Variants in ZNF410 observed in about 807,000 individuals in gnomAD.
The protein encoded by ZNF410 is zinc finger protein 410, also known as another partner for ARF 1.
In ZNF410, 18 loss-of-function variants were observed where a neutral mutation model predicts 54.8. The observed-to-expected ratio is 0.33, with a 90% CI of 0.23 to 0.49. ZNF410 has a LOEUF of 0.49. ZNF410 is among the 20% of genes least tolerant of loss of function. The probability of loss-of-function intolerance (pLI) is 0.99; values close to 1 mark genes in which losing one functional copy is unlikely to be tolerated. For missense variants in ZNF410, 405 were observed against 569.6 expected (o/e 0.71, Z 2.94); for synonymous variants, 191 against 207.3 (o/e 0.92, Z 0.68).
At chr14:73,890,478 G>A (rs1056538316) in intron 1 of ZNF410, among the ~76,000 whole-genome samples, 3 of 151,964 alleles carry the variant, frequency 2.0e-5, no homozygotes, top group Admixed American at 6.6e-5. Flanking sequence ...GTGAGCCACC[G>A]TGCCCAGCCT....
intron 8 of ZNF410, among the ~76,000 whole-genome samples, chr14:73,910,861 CA>C (rs540690694): frequency 0.011 from 746 of 68,586 alleles, 5 homozygotes; most frequent in African/African-American, 0.027. Flanking sequence ...GACCCTGTCT[CA>C]AAAAAAAAAA....
chr14:73,911,254 G>C (rs1345168684), intron 8 of ZNF410, among the ~76,000 whole-genome samples: 1 of 152,140 alleles, frequency 6.6e-6, no homozygotes, highest in Non-Finnish European at 1.5e-5. Context: ...GGCTTGCTGA[G>C]GAAGAGATGA....
intron 4 of ZNF410, 128 bp from the exon 5 acceptor site, chr14:73,897,943 G>A: frequency 2.3e-6 from 2 of 878,634 alleles, no homozygotes; most frequent in Non-Finnish European, 3.4e-6. Context: ...CTGCACTCCA[G>A]CCTGGGTGAC....
chr14:73,909,505 A>G (rs2055543393), intron 8 of ZNF410, 75 bp downstream of exon 8: 2 of 1,219,500 alleles, frequency 1.6e-6, no homozygotes, highest in African/African-American at 1.5e-5. Flanking sequence ...GGGTGATATA[A>G]AGACAACTAA....
rs1303003267 is a variant in ZNF410, at chr14:73,909,445, G to A, written c.1003+15G>A. On this transcript the variant is annotated intron_variant, in intron 8 of 11. Transcript: ENST00000555044. Reference sequence around the variant, plus strand: ...GGTTCACTCAGGTATCAGAACCTCTGCCATTCATAGATTTTAGGAAAAGTA... The same window carrying A: ...GGTTCACTCAGGTATCAGAACCTCTACCATTCATAGATTTTAGGAAAAGTA... 5.0e-6 allele frequency: 8 copies of A among 1,605,762 alleles called. No individual in the cohort carries two copies. The highest frequency in any genetic ancestry group is 1.6e-4 in the Middle Eastern group (1 of 6,062).
At position 73,899,211 on chromosome 14, in the gene ZNF410, C is replaced by T. The variant is rs531282139; in HGVS notation, c.580+949C>T. Among the ~76,000 whole-genome samples the T allele has an allele frequency of 7.2e-5, 11 of 151,870 alleles. No homozygotes were observed. The South Asian group carries it at 1.9e-3, about 26-fold the overall frequency. On this transcript the variant is annotated intron_variant, in intron 5 of 11. Coordinates refer to ENST00000555044, the MANE Select transcript of ZNF410 (RefSeq NM_021188.3). ...ATGAAAATAAAAAGTTAAAATTTCTCATAGAGAACTAGAGTTCCCTATGAA... is the reference window on the plus strand; with the variant it reads ...ATGAAAATAAAAAGTTAAAATTTCTTATAGAGAACTAGAGTTCCCTATGAA...
Position 73,921,064 on chromosome 14 carries a change from TGCAGCTGGGA to T in ZNF410, c.1100_1109del (p.Ala367ValfsTer11). The stretch of plus-strand genomic sequence containing the variant: ...AATGTGCATATGAGAAAGCATCACC[TGCAGCTGGGA>T]GCAGCTGGGAGTCAAGAGCAGGAGC... On this transcript the variant is annotated frameshift_variant, in exon 9 of 12. Coordinates refer to ENST00000555044, the MANE Select transcript of ZNF410 (RefSeq NM_021188.3). LOFTEE classifies it high-confidence loss of function. The T allele has an allele frequency of 1.2e-6, 2 of 1,613,144 alleles. No individual in the cohort carries two copies. The highest frequency in any genetic ancestry group is 8.5e-7 in the Non-Finnish European group (1 of 1,179,690).
chr14:73,926,952 CAGTTGATCTTAAGATTGACTGGT>C (rs1338038943), intron 11 of ZNF410, among the ~76,000 whole-genome samples: 1 of 152,190 alleles, frequency 6.6e-6, no homozygotes, highest in African/African-American at 2.4e-5. Flanking sequence ...ACATGACAAT[CAGTTGATCTTAAGATTGACTGGT>C]AGGTTATGTA....
At chr14:73,907,416 G>A (rs893850864) in intron 7 of ZNF410, among the ~76,000 whole-genome samples, 10 of 152,126 alleles carry the variant, frequency 6.6e-5, no homozygotes, top group Admixed American at 1.3e-4. Context: ...TGGCCAACAC[G>A]GTGAAACCCC....
chr14:73,931,852 TCTGA>T lies in ZNF410; in HGVS notation c.*315_*318del. ...TTATGTGTTGGCTGAAGTTCTTCAT[TCTGA>T]CTGTTGAGGGGAGGTTTTCCTTTGA... On this transcript the variant is annotated 3_prime_UTR_variant, in exon 12 of 12. Transcript: ENST00000555044. The T allele has an allele frequency of 2.3e-6, 1 of 438,184 alleles. No individual in the cohort carries two copies. The highest frequency in any genetic ancestry group is 1.8e-5 in the South Asian group (1 of 55,558). 27.1% of individuals were successfully genotyped at this position (438,184 alleles called of 1,614,324 possible).
Position 73,903,948 on chromosome 14 carries a change from ACT to A in ZNF410, c.581-9_581-8del. The A allele has an allele frequency of 6.2e-7, 1 of 1,613,908 alleles. No individual in the cohort carries two copies. The highest frequency in any genetic ancestry group is 8.5e-7 in the Non-Finnish European group (1 of 1,179,940). On this transcript the variant is annotated splice_polypyrimidine_tract_variant and intron_variant, in intron 5 of 11. Coordinates refer to ENST00000555044, the MANE Select transcript of ZNF410 (RefSeq NM_021188.3). ...TCTTTCCCTGGATTACAAATATGTG[ACT>A]CTGTTACAGGAGAAAATGTCCACCT...
chr14:73,916,967 G>A (rs952726830), intron 8 of ZNF410, among the ~76,000 whole-genome samples: 20 of 152,226 alleles, frequency 1.3e-4, no homozygotes, highest in African/African-American at 4.3e-4. Context: ...GAAACAGAGC[G>A]AGACTGCGTC....
intron 5 of ZNF410, chr14:73,902,095 G>T (rs1338173412): frequency 1.4e-5 from 2 of 146,174 alleles, no homozygotes; most frequent in Admixed American, 6.9e-5. Flanking sequence ...TTGAAACGGA[G>T]TCTCGCTCTG....
chr14:73,923,929 C>G (rs569360387), intron 11 of ZNF410, among the ~76,000 whole-genome samples: 1 of 152,280 alleles, frequency 6.6e-6, no homozygotes, highest in Admixed American at 6.5e-5. Context: ...CTGTACCAGA[C>G]AGGAGCAAGT....
chr14:73,896,064 A>G (rs62003715), intron 3 of ZNF410: 163,207 of 469,618 alleles, frequency 0.35, 32,997 homozygotes, highest in Non-Finnish European at 0.42. Context: ...CAAATGTTGA[A>G]TGGTTGGTTA....
At chr14:73,926,049 A>T (rs1165866567) in intron 11 of ZNF410, among the ~76,000 whole-genome samples, 1 of 152,006 alleles carries the variant, frequency 6.6e-6, no homozygotes, top group Non-Finnish European at 1.5e-5. Context: ...ACAAAAACAC[A>T]ATTAACTTTA....
Position 73,909,354 on chromosome 14 carries a change from C to T in ZNF410, c.927C>T (p.Phe309=). 6.2e-7 allele frequency: 1 copy of T among 1,613,784 alleles called. No individual in the cohort carries two copies. Among genetic ancestry groups the T allele is most frequent in the South Asian group, 1.1e-5 (1 of 91,006 alleles). Residue 309 remains phenylalanine, a synonymous_variant, in exon 8 of 12, where the codon TTC becomes TTT. Transcript: ENST00000555044. ...TTCTGTCTCTAGGAGAGAAACCTTT[C>T]CTTTGTGAAGCCCAAGGATGTGGCC... ...HRRIHTGEKP[F]LCEAQGCGRS... is the part of the protein sequence containing the mutation.
At chr14:73,906,565 C>T (rs2055493976) in intron 7 of ZNF410, 1 of 152,286 alleles carries the variant, frequency 6.6e-6, no homozygotes, top group Non-Finnish European at 1.5e-5. Context: ...ACTGCAACCT[C>T]TGCCTCCTGG....
Position 73,932,443 on chromosome 14 carries a change from G to GTGA in ZNF410, c.*904_*906dup. ...GAACATCTTCATTTCTTAAGCCCAG[G>GTGA]TGATAGTTACTCTGTCACCACCAAA... On this transcript the variant is annotated 3_prime_UTR_variant, in exon 12 of 12. Transcript: ENST00000555044. 2 of 454,124 alleles carry GTGA rather than the reference G, an allele frequency of 4.4e-6. No homozygotes were observed. The highest frequency in any genetic ancestry group is 3.1e-5 in the South Asian group (2 of 64,250). The allele number at this position is 454,124 out of a possible 1,614,324, so 28.1% of individuals were successfully genotyped here.
Sources: allele counts gnomAD v4.1 joint callset (sites outside exome capture counted in the v4.1 genomes callset), GRCh38; gene constraint gnomAD v4.1.1; transcripts MANE v1.5; gene names NCBI Gene and HGNC (gene_info 2026-07-23, HGNC 2026-07-21).